POLR3B: variants seen among roughly 807,000 people sequenced by gnomAD.
POLR3B encodes the protein DNA-directed RNA polymerase III subunit RPC2.
POLR3B carries 96 observed loss-of-function variants against 147.4 expected under a neutral mutation model. That is an observed-to-expected ratio of 0.65 (90% CI 0.55 to 0.77). POLR3B has a LOEUF of 0.77. POLR3B is among the 30% of genes least tolerant of loss of function. POLR3B has a pLI of 0.00. For missense variants in POLR3B, 1,036 were observed against 1,413.5 expected (o/e 0.73, Z 4.28); for synonymous variants, 461 against 485.9 (o/e 0.95, Z 0.67).
chr12:106,468,494 G>T (rs1237599303), intron 23 of POLR3B, among the ~76,000 whole-genome samples: 1 of 151,988 alleles, frequency 6.6e-6, no homozygotes, highest in East Asian at 1.9e-4. Flanking sequence ...GCTTTTGAAT[G>T]TGTTTGCTCT....
At chr12:106,471,106 C>T (rs923242332) in intron 23 of POLR3B, among the ~76,000 whole-genome samples, 5 of 152,146 alleles carry the variant, frequency 3.3e-5, no homozygotes, top group Admixed American at 6.5e-5. Flanking sequence ...CTGCCGAGTT[C>T]GAGCTTCCCT....
chr12:106,400,562 C>T (rs1227153568), intron 10 of POLR3B, among the ~76,000 whole-genome samples: 4 of 152,124 alleles, frequency 2.6e-5, no homozygotes, highest in Non-Finnish European at 5.9e-5. Context: ...CAAAATTGAC[C>T]ACATAGTTGG....
intron 1 of POLR3B, among the ~76,000 whole-genome samples, chr12:106,359,331 A>AC (rs769223075): frequency 5.8e-4 from 78 of 134,906 alleles, no homozygotes; most frequent in Middle Eastern, 3.9e-3. Context: ...AGGCAAAACT[A>AC]TTTTTTTTTT....
In POLR3B at chr12:106,421,543, A is replaced by G. The variant is rs77060081; in HGVS notation, c.1102-5654A>G. ...AGGTTGAGCCCCTTTTCATGTACTT[A>G]TTGACTATTCCTGTTTTCTTTGCAA... On this transcript the variant is annotated intron_variant, in intron 12 of 27. Transcript: ENST00000228347. Among the ~76,000 whole-genome samples the G allele has an allele frequency of 2.5e-3, 374 of 152,086 alleles. 3 individuals are homozygous for G. Among genetic ancestry groups the G allele is most frequent in the African/African-American group, 8.9e-3 (368 of 41,514 alleles).
At chr12:106,453,468 G>T (rs1172103671) in intron 19 of POLR3B, among the ~76,000 whole-genome samples, 1 of 152,126 alleles carries the variant, frequency 6.6e-6, no homozygotes. Flanking sequence ...GAGTGTGTGT[G>T]TGTGGTGTGT....
chr12:106,451,930 AC>A (rs1168673406), intron 19 of POLR3B, among the ~76,000 whole-genome samples: 1 of 152,144 alleles, frequency 6.6e-6, no homozygotes, highest in East Asian at 1.9e-4. Context: ...ATCATTGGAG[AC>A]CATAGTACAG....
At chr12:106,478,858 G>A (rs981533627) in intron 23 of POLR3B, among the ~76,000 whole-genome samples, 2 of 151,858 alleles carry the variant, frequency 1.3e-5, no homozygotes, top group African/African-American at 4.8e-5. Flanking sequence ...AGGTATAAAA[G>A]TCTAGGTTGA....
intron 9 of POLR3B, among the ~76,000 whole-genome samples, chr12:106,390,534 A>G (rs920102689): frequency 6.6e-6 from 1 of 151,988 alleles, no homozygotes; most frequent in East Asian, 1.9e-4. Context: ...TAGGATTGCT[A>G]TCTTTTAATC....
At chr12:106,392,440 G>A (rs989770722) in intron 9 of POLR3B, among the ~76,000 whole-genome samples, 6 of 152,170 alleles carry the variant, frequency 3.9e-5, no homozygotes, top group African/African-American at 7.2e-5. Context: ...TAGGATTACA[G>A]GTGTGAACCA....
At chr12:106,446,090 TTTCC>T (rs2037718962) in intron 19 of POLR3B, among the ~76,000 whole-genome samples, 1 of 152,190 alleles carries the variant, frequency 6.6e-6, no homozygotes, top group African/African-American at 2.4e-5. Flanking sequence ...TGTAGGCTGA[TTTCC>T]CGCTTGTGCT....
intron 1 of POLR3B, chr12:106,358,251 C>G (rs1208946384): frequency 3.7e-6 from 5 of 1,350,562 alleles, no homozygotes; most frequent in East Asian, 3.1e-5. Flanking sequence ...GACCCTCGCA[C>G]TTACTGTGGG....
At chr12:106,500,234 G>A in intron 25 of POLR3B, 2 of 451,586 alleles carry the variant, frequency 4.4e-6, no homozygotes, top group Non-Finnish European at 4.4e-6. Context: ...TAAGACATCA[G>A]TTCTCTGGTT....
intron 16 of POLR3B, among the ~76,000 whole-genome samples, chr12:106,434,799 T>A (rs908248799): frequency 4.6e-5 from 7 of 152,148 alleles, no homozygotes; most frequent in Non-Finnish European, 1.0e-4. Context: ...CTTTCCTCCT[T>A]CATATGACAC....
At chr12:106,363,420 A>G (rs2036494316) in intron 1 of POLR3B, among the ~76,000 whole-genome samples, 1 of 152,196 alleles carries the variant, frequency 6.6e-6, no homozygotes, top group African/African-American at 2.4e-5. Context: ...TGTAGGAAGC[A>G]ATCACCATAT....
At chr12:106,414,767 T>C (rs1222583457) in intron 12 of POLR3B, among the ~76,000 whole-genome samples, 1 of 152,232 alleles carries the variant, frequency 6.6e-6, no homozygotes, top group Admixed American at 6.5e-5. Flanking sequence ...TGAAGCTTCA[T>C]GAGGACAGAG....
At chr12:106,475,934 A>G (rs1305162900) in intron 23 of POLR3B, among the ~76,000 whole-genome samples, 4 of 151,120 alleles carry the variant, frequency 2.6e-5, no homozygotes, top group African/African-American at 7.3e-5. Flanking sequence ...TATTTTGCTC[A>G]TTAGTTGATG....
chr12:106,487,789 G>A (rs1353131237), intron 23 of POLR3B, among the ~76,000 whole-genome samples: 6 of 152,190 alleles, frequency 3.9e-5, no homozygotes, highest in Admixed American at 2.6e-4. Flanking sequence ...GCGGAACAGT[G>A]GTAGTTATGT....
chr12:106,390,816 A>G (rs1294335948), intron 9 of POLR3B, among the ~76,000 whole-genome samples: 1 of 152,090 alleles, frequency 6.6e-6, no homozygotes, highest in Non-Finnish European at 1.5e-5. Context: ...CATAGCTTCT[A>G]TTCATTGGGA....
intron 13 of POLR3B, among the ~76,000 whole-genome samples, chr12:106,428,350 T>G (rs2137000141): frequency 6.6e-6 from 1 of 152,328 alleles, no homozygotes; most frequent in South Asian, 2.1e-4. Context: ...CTGATAGAAC[T>G]GCTTATTACA....
Sources: gnomAD v4.1 joint callset for allele counts (sites outside exome capture counted in the v4.1 genomes callset) on GRCh38, gnomAD v4.1.1 for gene constraint, MANE v1.5 for transcripts, NCBI Gene and HGNC (gene_info 2026-07-23, HGNC 2026-07-21) for gene names.